DENND3: variants seen among roughly 807,000 people sequenced by gnomAD.
DENND3 encodes DENN domain-containing protein 3.
Under a neutral mutation model 135.1 loss-of-function variants are expected in DENND3, and 88 were observed. The ratio of observed to expected loss-of-function variants is 0.65; its 90% CI spans 0.55 to 0.78. DENND3 has a LOEUF of 0.78. Among genes scored for constraint, DENND3 ranks in the 30% least tolerant of loss-of-function variants. The probability of loss-of-function intolerance (pLI) is 0.00; values close to 1 mark genes in which losing one functional copy is unlikely to be tolerated. For missense variants in DENND3, 1,392 were observed against 1,688.4 expected (o/e 0.82, Z 3.08); for synonymous variants, 693 against 712.3 (o/e 0.97, Z 0.43).
chr8:141,150,978 G>C, intron 6 of DENND3, 25 bp downstream of exon 6: 1 of 1,503,024 alleles, frequency 6.7e-7, no homozygotes, highest in Non-Finnish European at 8.8e-7. Flanking sequence ...CCCGGCGAGC[G>C]CGTCTTGTGC....
rs1381720814 is a variant in DENND3, at chr8:141,174,862, T to A, written c.2276-338T>A. ...TGATGAGGAAGGTCTTTGCCCCCAT[T>A]AGAAGAGTGTCCTTGTCCGGAAGGA... is the stretch of plus-strand genomic sequence containing the variant. On this transcript the variant is annotated intron_variant, in intron 13 of 22. Transcript: ENST00000519811. The surrounding 1 kb of genome is among the most constrained non-coding windows in gnomAD (Gnocchi z 4.6). 6.6e-6 allele frequency among the ~76,000 whole-genome samples: 1 copy of A among 152,136 alleles called. No individual in the cohort carries two copies. Among genetic ancestry groups the A allele is most frequent in the African/African-American group, 2.4e-5 (1 of 41,418 alleles).
At chr8:141,149,825 C>T (rs1818574576) in intron 5 of DENND3, among the ~76,000 whole-genome samples, 1 of 152,262 alleles carries the variant, frequency 6.6e-6, no homozygotes. Context: ...GGACCTGCGT[C>T]TTGTTAGGAA....
chr8:141,185,016 C>T (rs1200260348), intron 17 of DENND3, 123 bp from the exon 18 acceptor site: 3 of 1,296,022 alleles, frequency 2.3e-6, no homozygotes, highest in Non-Finnish European at 3.2e-6. Context: ...TTTGTACGTA[C>T]AGCACCTAAC....
intron 1 of DENND3, among the ~76,000 whole-genome samples, chr8:141,135,326 AT>A (rs1407597917): frequency 6.6e-6 from 1 of 150,472 alleles, no homozygotes; most frequent in Non-Finnish European, 1.5e-5. Flanking sequence ...TAATTTTTTT[AT>A]TTTTTGTAGA....
intron 16 of DENND3, among the ~76,000 whole-genome samples, chr8:141,178,912 T>A: frequency 6.6e-6 from 1 of 152,232 alleles, no homozygotes; most frequent in East Asian, 1.9e-4. Context: ...GTTTGGTCTG[T>A]CCCTTCATCA....
chr8:141,163,097 G>C (rs1056959406), intron 9 of DENND3, among the ~76,000 whole-genome samples: 8 of 152,240 alleles, frequency 5.3e-5, no homozygotes, highest in African/African-American at 1.9e-4. Context: ...TAGTGGGCTG[G>C]AGGAAGGTGA....
chr8:141,136,003 T>G (rs568117925), intron 1 of DENND3, among the ~76,000 whole-genome samples: 1 of 152,264 alleles, frequency 6.6e-6, no homozygotes, highest in East Asian at 1.9e-4. Context: ...AATGTGTATG[T>G]GTGGGGTTTG....
At chr8:141,142,237 G>A (rs1169501765) in intron 4 of DENND3, 5 of 391,050 alleles carry the variant, frequency 1.3e-5, no homozygotes, top group Non-Finnish European at 1.0e-5. Flanking sequence ...ACTTGTGCAC[G>A]GAGCCGTTTC....
chr8:141,158,751 T>C (rs776382061), intron 8 of DENND3, among the ~76,000 whole-genome samples: 4 of 152,182 alleles, frequency 2.6e-5, no homozygotes, highest in Non-Finnish European at 5.9e-5. Context: ...TCTTGGTCAC[T>C]CTCTTCACTG....
At chr8:141,147,228 C>T (rs978022071) in intron 5 of DENND3, among the ~76,000 whole-genome samples, 41 of 152,196 alleles carry the variant, frequency 2.7e-4, no homozygotes, top group African/African-American at 8.9e-4. Context: ...CTCCCCGCTG[C>T]GTGACTTGGG....
chr8:141,134,988 GCCACCAAGC>G (rs1816614829), intron 1 of DENND3, among the ~76,000 whole-genome samples: 1 of 151,990 alleles, frequency 6.6e-6, no homozygotes, highest in South Asian at 2.1e-4. Context: ...GCAGGCATGC[GCCACCAAGC>G]CCGGCTAATT....
In DENND3 at chr8:141,128,912, T is replaced by C; in HGVS notation, c.102+103T>C. The C allele has an allele frequency of 3.4e-6, 3 of 873,740 alleles. No homozygotes were observed. The highest frequency in any genetic ancestry group is 4.7e-6 in the Non-Finnish European group (3 of 638,696). 54.1% of individuals were successfully genotyped at this position (873,740 alleles called of 1,614,324 possible). On this transcript the variant is annotated intron_variant, in intron 1 of 22. Coordinates refer to ENST00000519811, the MANE Select transcript of DENND3 (RefSeq NM_001352890.3). The surrounding 1 kb of genome is among the most constrained non-coding windows in gnomAD (Gnocchi z 4.5). ...GTGCCCTGTGGGTTGGCGCGGACTT[T>C]CCGAGGGCTGAGTCCCGGTCCCCCG... is the stretch of plus-strand genomic sequence containing the variant.
In DENND3 at chr8:141,146,581, C is replaced by T. The variant is rs1426459343; in HGVS notation, c.735+2322C>T. On this transcript the variant is annotated intron_variant, in intron 5 of 22. Coordinates refer to ENST00000519811, the MANE Select transcript of DENND3 (RefSeq NM_001352890.3). This position sits in a 1 kb window ranked among gnomAD's most constrained non-coding sequence, Gnocchi z 4.3. ...AAAGATTATACGTATTAATCTTGAT[C>T]TTCTACATTTTTCTTTACTGACAAT... Among the ~76,000 whole-genome samples the T allele has an allele frequency of 6.6e-6, 1 of 152,134 alleles. No individual in the cohort carries two copies. The highest frequency in any genetic ancestry group is 1.5e-5 in the Non-Finnish European group (1 of 68,026).
rs796962494 is a variant in DENND3, at chr8:141,162,267, A to T, written c.1353-1066A>T. 3.4e-4 allele frequency among the ~76,000 whole-genome samples: 52 copies of T among 152,286 alleles called. 1 individual carries two copies. Among genetic ancestry groups the T allele is most frequent in the African/African-American group, 1.2e-3 (50 of 41,558 alleles). ...TTTCCTTTTGTTCTTTGAAGATGAAATATCTTATGAACAATTTTTTTTTAA... is the reference window on the plus strand; with the variant it reads ...TTTCCTTTTGTTCTTTGAAGATGAATTATCTTATGAACAATTTTTTTTTAA... On this transcript the variant is annotated intron_variant, in intron 9 of 22. Transcript: ENST00000519811.
At chr8:141,145,753 C>G (rs1817945146) in intron 5 of DENND3, among the ~76,000 whole-genome samples, 1 of 142,180 alleles carries the variant, frequency 7.0e-6, no homozygotes, top group South Asian at 2.3e-4. Flanking sequence ...AGAATTTATT[C>G]AAATTACAGA....
chr8:141,168,376 A>T lies in DENND3; in HGVS notation c.2126A>T (p.His709Leu). 6.2e-7 allele frequency: 1 copy of T among 1,613,934 alleles called. No homozygotes were observed. The highest frequency in any genetic ancestry group is 8.5e-7 in the Non-Finnish European group (1 of 1,180,036). The change falls in exon 13 of 23, where the codon CAC becomes CTC. Residue 709 changes from histidine to leucine, a missense_variant. By Grantham distance (99) the His-to-Leu change is moderately conservative (BLOSUM62 -3). Coordinates refer to ENST00000519811, the MANE Select transcript of DENND3 (RefSeq NM_001352890.3). This position sits in a 1 kb window ranked among gnomAD's most constrained non-coding sequence, Gnocchi z 6.2. Reference protein sequence around the residue: ...RLISEILDKPHEASKLDDHVK... With the variant: ...RLISEILDKPLEASKLDDHVK... ...ATCAGCGAGATCCTGGACAAGCCGCACGAGGCCTCGAAGCTGGACGACCAC... is the reference window on the plus strand; with the variant it reads ...ATCAGCGAGATCCTGGACAAGCCGCTCGAGGCCTCGAAGCTGGACGACCAC...
At chr8:141,178,281 AG>A (rs1822653645) in intron 16 of DENND3, 85 bp downstream of exon 16, 1 of 1,512,400 alleles carries the variant, frequency 6.6e-7, no homozygotes, top group Non-Finnish European at 8.9e-7. Flanking sequence ...TGTTTTATCA[AG>A]TAGAACCGAG....
chr8:141,168,423 A>C lies in DENND3; in HGVS notation c.2173A>C (p.Lys725Gln). 6.2e-7 allele frequency: 1 copy of C among 1,613,922 alleles called. No homozygotes were observed. The highest frequency in any genetic ancestry group is 8.5e-7 in the Non-Finnish European group (1 of 1,180,050). ...DDHVKKFKLP[K>Q]KHMQLGDFMK... ...CCACGTGAAGAAGTTCAAGCTGCCC[A>C]AGAAGCACATGCAGCTGGGCGACTT... The change falls in exon 13 of 23, where the codon AAG (lysine) becomes CAG (glutamine). Residue 725 changes from lysine to glutamine, a missense_variant. Coordinates refer to ENST00000519811, the MANE Select transcript of DENND3 (RefSeq NM_001352890.3). The surrounding 1 kb of genome is among the most constrained non-coding windows in gnomAD (Gnocchi z 6.2).
rs191838624 is a variant in DENND3, at chr8:141,186,919, C to T, written c.3084+1641C>T. On this transcript the variant is annotated intron_variant, in intron 18 of 22. Coordinates refer to ENST00000519811, the MANE Select transcript of DENND3 (RefSeq NM_001352890.3). ...GATCTGTGTGCGCTTCCCTGTCGCC[C>T]GAGAGGCCGCTGAGTAGCTCCCCGT... is the stretch of plus-strand genomic sequence containing the variant. Among the ~76,000 whole-genome samples the T allele has an allele frequency of 1.6e-3, 241 of 152,320 alleles. 2 individuals carry two copies. The Middle Eastern group carries it at 0.024, about 15-fold the overall frequency.
Sources: allele counts gnomAD v4.1 joint callset (sites outside exome capture counted in the v4.1 genomes callset), GRCh38; gene constraint gnomAD v4.1.1; non-coding constraint Gnocchi (gnomAD v3.1); transcripts MANE v1.5; gene names NCBI Gene and HGNC (gene_info 2026-07-23, HGNC 2026-07-21).